Variants in SLC9C2 observed in about 807,000 individuals in gnomAD.
The protein encoded by SLC9C2 is solute carrier family 9 member C2 (putative).
A neutral mutation model predicts 140.2 loss-of-function variants in SLC9C2; 75 were observed. The ratio of observed to expected loss-of-function variants is 0.53; its 90% CI spans 0.44 to 0.65. SLC9C2 has a LOEUF of 0.65. Among genes scored for constraint, SLC9C2 ranks in the 30% least tolerant of loss-of-function variants. The pLI, the probability that SLC9C2 is intolerant of heterozygous loss-of-function variation, is 0.00. For missense variants in SLC9C2, 1,074 were observed against 1,331.8 expected, an observed-to-expected ratio of 0.81 and a Z score of 3.01; for synonymous variants, 375 against 420.9, an observed-to-expected ratio of 0.89 and a Z score of 1.34.
chr1:173,601,895 C>G (rs1332069411), intron 1 of SLC9C2, 40 bp from the exon 2 acceptor site: 37 of 1,208,992 alleles, frequency 3.1e-5, no homozygotes, highest in Non-Finnish European at 3.9e-5. Context: ...CTACCAAGAT[C>G]CAATTCATCC....
intron 27 of SLC9C2, among the ~76,000 whole-genome samples, chr1:173,502,058 G>T (rs1204024355): frequency 6.6e-6 from 1 of 151,984 alleles, no homozygotes; most frequent in Non-Finnish European, 1.5e-5. Flanking sequence ...CAGATCATAA[G>T]GTCAGGAGAT....
chr1:173,524,932 A>G lies in SLC9C2; in HGVS notation c.2366-5T>C, dbSNP rs374561369. ...GACCCTCATGCTCCATGAGTACTAC[A>G]GCAAAGAAAATAAAATTCAGTAAGT... On this transcript the variant is annotated splice_region_variant and splice_polypyrimidine_tract_variant and intron_variant, in intron 19 of 27. Coordinates refer to ENST00000367714, the MANE Select transcript of SLC9C2 (RefSeq NM_178527.4). The G allele has an allele frequency of 1.9e-6, 3 of 1,612,772 alleles. No homozygotes were observed. The East Asian group carries it at 6.7e-5, about 36-fold the overall frequency.
intron 23 of SLC9C2, among the ~76,000 whole-genome samples, chr1:173,510,371 G>A: frequency 6.6e-6 from 1 of 152,224 alleles, no homozygotes; most frequent in Middle Eastern, 3.4e-3. Context: ...GAATGCGTAG[G>A]TTTGTTACTT....
chr1:173,563,445 A>C (rs1664248400), intron 9 of SLC9C2, among the ~76,000 whole-genome samples: 1 of 152,130 alleles, frequency 6.6e-6, no homozygotes, highest in African/African-American at 2.4e-5. Flanking sequence ...TCCCAACTCC[A>C]GGAAGGACCG....
chr1:173,585,060 C>T (rs1351851812), intron 5 of SLC9C2, among the ~76,000 whole-genome samples: 1 of 152,144 alleles, frequency 6.6e-6, no homozygotes, highest in Non-Finnish European at 1.5e-5. Context: ...CTTTTCTAAG[C>T]ATATGGTTCT....
In SLC9C2 at chr1:173,548,385, T is replaced by C. The variant is rs747366950; in HGVS notation, c.1461+4A>G. 1.2e-5 allele frequency: 20 copies of C among 1,610,428 alleles called. No individual in the cohort carries two copies. Among genetic ancestry groups the C allele is most frequent in the Non-Finnish European group, 1.7e-5 (20 of 1,178,628 alleles). On this transcript the variant is annotated splice_donor_region_variant and intron_variant, in intron 12 of 27. Coordinates refer to ENST00000367714, the MANE Select transcript of SLC9C2 (RefSeq NM_178527.4). ...AAACTACTTTTTGCCAGGTATCAAC[T>C]CACAGGAATGTATTCGATCCTCGTT...
chr1:173,572,383 C>T (rs1223019900), intron 9 of SLC9C2, among the ~76,000 whole-genome samples: 1 of 151,378 alleles, frequency 6.6e-6, no homozygotes, highest in East Asian at 2.0e-4. Flanking sequence ...GTGAGAGTGA[C>T]TATCTGAGTT....
intron 25 of SLC9C2, 143 bp downstream of exon 25, chr1:173,506,713 C>A: frequency 2.9e-6 from 2 of 678,178 alleles, no homozygotes; most frequent in Non-Finnish European, 4.9e-6. Context: ...GCCCTAGGTA[C>A]ATTTTTACTG....
At chr1:173,501,213 C>T (rs1292644465) in intron 27 of SLC9C2, 116 bp from the exon 28 acceptor site, 1 of 1,061,808 alleles carries the variant, frequency 9.4e-7, no homozygotes, top group Non-Finnish European at 1.3e-6. Context: ...TTATCTGAAA[C>T]ATTCCTCCTA....
chr1:173,516,529 C>A (rs1273013078), intron 23 of SLC9C2, among the ~76,000 whole-genome samples: 1 of 152,138 alleles, frequency 6.6e-6, no homozygotes, highest in Non-Finnish European at 1.5e-5. Context: ...GTGTTCTCAT[C>A]ATTTAGCTCC....
At chr1:173,590,111 C>T (rs767659209) in intron 4 of SLC9C2, among the ~76,000 whole-genome samples, 9 of 151,866 alleles carry the variant, frequency 5.9e-5, no homozygotes, top group Non-Finnish European at 8.8e-5. Context: ...GGTGTGGTGG[C>T]GGATGCCTGT....
At chr1:173,558,827 C>T (rs537718443) in intron 9 of SLC9C2, among the ~76,000 whole-genome samples, 75 of 152,194 alleles carry the variant, frequency 4.9e-4, no homozygotes, top group Admixed American at 1.2e-3. Flanking sequence ...ACACACACTT[C>T]GAGGGCCAAC....
intron 17 of SLC9C2, among the ~76,000 whole-genome samples, chr1:173,531,330 G>C (rs891447307): frequency 3.9e-5 from 6 of 152,158 alleles, no homozygotes; most frequent in African/African-American, 1.4e-4. Flanking sequence ...TTTGGTTTTT[G>C]TAAAGTCCCT....
intron 13 of SLC9C2, among the ~76,000 whole-genome samples, chr1:173,543,479 T>G (rs1413438198): frequency 1.2e-4 from 19 of 152,234 alleles, no homozygotes; most frequent in Admixed American, 1.2e-3. Context: ...ACCAATGACT[T>G]TCTTCACAGA....
Position 173,576,750 on chromosome 1 carries a change from T to C in SLC9C2, c.813A>G (p.Leu271=). The C allele has an allele frequency of 6.3e-7, 1 of 1,598,274 alleles. No individual in the cohort carries two copies. The highest frequency in any genetic ancestry group is 1.1e-5 in the South Asian group (1 of 87,614). Residue 271 remains leucine, a synonymous_variant, in exon 8 of 28, where the codon TTA becomes TTG. Coordinates refer to ENST00000367714, the MANE Select transcript of SLC9C2 (RefSeq NM_178527.4). The stretch of plus-strand genomic sequence containing the variant: ...CTAAGGCAAGAGTGCCTGACATTCC[T>C]AAAAATTCCACTGGGGAGAAAAAAA... ...VYMTFYIVEF[L]GMSGTLALAA...
chr1:173,526,673 G>A lies in SLC9C2; in HGVS notation c.2355C>T (p.Val785=). ...ACTTCAACTACCTACCTAATTCTTT[G>A]ACAGCATCCTGTTTGTTGGTTTCCA... ...EILETNKQDA[V]KELVLMEHEG... is the part of the protein sequence containing the mutation. The change falls in exon 19 of 28, where the codon GTC becomes GTT. Residue 785 remains valine (V), a synonymous_variant. Transcript: ENST00000367714. 1.3e-6 allele frequency: 2 copies of A among 1,594,614 alleles called. No individual in the cohort carries two copies. The highest frequency in any genetic ancestry group is 1.7e-4 in the Middle Eastern group (1 of 6,018).
At chr1:173,599,362 A>ATTTTTATTTTT (rs1666636112) in intron 3 of SLC9C2, among the ~76,000 whole-genome samples, 2 of 68,082 alleles carry the variant, frequency 2.9e-5, no homozygotes, top group African/African-American at 9.5e-5. Context: ...ATTTTCCTTG[A>ATTTTTATTTTT]TTTTTTTTTT....
At chr1:173,526,304 G>T (rs879134754) in intron 19 of SLC9C2, among the ~76,000 whole-genome samples, 1 of 152,188 alleles carries the variant, frequency 6.6e-6, no homozygotes. Flanking sequence ...TTTTGTCAAA[G>T]GTAACCTTCA....
At chr1:173,527,483 A>G (rs1347294725) in intron 18 of SLC9C2, among the ~76,000 whole-genome samples, 1 of 152,232 alleles carries the variant, frequency 6.6e-6, no homozygotes, top group Non-Finnish European at 1.5e-5. Context: ...TGATTAGTTC[A>G]TATTTCTAAC....
Sources: allele counts gnomAD v4.1 joint callset (sites outside exome capture counted in the v4.1 genomes callset), GRCh38; gene constraint gnomAD v4.1.1; transcripts MANE v1.5; gene names NCBI Gene and HGNC (gene_info 2026-07-23, HGNC 2026-07-21).